The following SP140 variants were observed in gnomAD, a reference collection of about 807,000 sequenced individuals.
SP140 encodes nuclear body protein SP140.
Under a neutral mutation model 125.0 loss-of-function variants are expected in SP140, and 81 were observed. The ratio of observed to expected loss-of-function variants is 0.65; its 90% CI spans 0.54 to 0.78. SP140 has a LOEUF of 0.78. SP140 is among the 30% of genes least tolerant of loss of function. The probability of loss-of-function intolerance (pLI) is 0.00; values close to 1 mark genes in which losing one functional copy is unlikely to be tolerated. For synonymous variants in SP140, 312 were observed against 354.0 expected (o/e 0.88, Z 1.33); for missense variants, 858 against 1,037.0 (o/e 0.83, Z 2.37).
At chr2:230,226,916 A>T (rs1343098609) in intron 1 of SP140, among the ~76,000 whole-genome samples, 1 of 152,226 alleles carries the variant, frequency 6.6e-6, no homozygotes, top group Non-Finnish European at 1.5e-5. Flanking sequence ...ATAAAAATTT[A>T]AAATACAGTA....
At chr2:230,272,321 C>G (rs771424968) in intron 15 of SP140, among the ~76,000 whole-genome samples, 1 of 152,130 alleles carries the variant, frequency 6.6e-6, no homozygotes, top group Admixed American at 6.6e-5. Context: ...AGCCATACTA[C>G]AGGGCTACAT....
chr2:230,258,889 C>G (rs919093100), intron 12 of SP140, among the ~76,000 whole-genome samples: 1 of 151,580 alleles, frequency 6.6e-6, no homozygotes, highest in Non-Finnish European at 1.5e-5. Context: ...ATGAGTGCAG[C>G]AAGCTGCACT....
intron 1 of SP140, among the ~76,000 whole-genome samples, chr2:230,231,245 A>G (rs1001535049): frequency 2.0e-5 from 3 of 152,136 alleles, no homozygotes; most frequent in Non-Finnish European, 4.4e-5. Context: ...AAAATCCATC[A>G]TATCTGAGTC....
At chr2:230,224,524 A>C (rs1460488750), upstream of SP140, among the ~76,000 whole-genome samples, 1 of 150,582 alleles carries the variant, frequency 6.6e-6, no homozygotes, top group Non-Finnish European at 1.5e-5. Flanking sequence ...ACAGAGAGAG[A>C]GAGAGAGAGG....
chr2:230,229,840 C>A (rs975100654), intron 1 of SP140, among the ~76,000 whole-genome samples: 3 of 151,388 alleles, frequency 2.0e-5, no homozygotes, highest in Non-Finnish European at 4.4e-5. Context: ...TTTCTTTCAT[C>A]ACTTTAAATA....
chr2:230,255,412 G>T lies in SP140; in HGVS notation c.1160-40G>T, dbSNP rs1232687148. ...TTCTCTTCATGATTTTTTGTTGGTT[G>T]TATACTGAGACCTCTGAGGGATTTC... On this transcript the variant is annotated intron_variant, in intron 11 of 26. Coordinates refer to ENST00000392045, the MANE Select transcript of SP140 (RefSeq NM_007237.5). The T allele has an allele frequency of 1.9e-6, 3 of 1,605,364 alleles. No homozygotes were observed. In the African/African-American group the frequency reaches 4.0e-5, roughly 21 times the overall value.
At chr2:230,287,993 T>C in intron 18 of SP140, 27 bp downstream of exon 18, 1 of 1,571,962 alleles carries the variant, frequency 6.4e-7, no homozygotes. Flanking sequence ...GAATGAACTT[T>C]CAATAACTAA....
intron 11 of SP140, among the ~76,000 whole-genome samples, chr2:230,254,571 C>T (rs2050858617): frequency 6.6e-6 from 1 of 152,222 alleles, no homozygotes; most frequent in South Asian, 2.1e-4. Context: ...ACCAGCACCT[C>T]CCCTGAACTT....
chr2:230,231,455 G>A (rs891521186), intron 1 of SP140, among the ~76,000 whole-genome samples: 1 of 152,182 alleles, frequency 6.6e-6, no homozygotes, highest in African/African-American at 2.4e-5. Flanking sequence ...GGTGGCAGAG[G>A]TGTCAAATTC....
intron 4 of SP140, 64 bp downstream of exon 4, chr2:230,241,551 A>AAGG: frequency 1.1e-6 from 1 of 942,330 alleles, no homozygotes; most frequent in Non-Finnish European, 1.7e-6. Context: ...TCATGGAGGC[A>AAGG]AATCTTGTAT....
At position 230,225,762 on chromosome 2, in the gene SP140, G is replaced by A. The variant is rs1056484351; in HGVS notation, c.-83G>A. 7.9e-6 allele frequency: 9 copies of A among 1,137,858 alleles called. No individual in the cohort carries two copies. In the African/African-American group the frequency reaches 1.2e-4, roughly 15 times the overall value. The allele number at this position is 1,137,858 out of a possible 1,614,324, so 70.5% of individuals were successfully genotyped here. A position where few individuals can be genotyped will look rare whatever the true frequency, so the allele number is the denominator to read the frequency against. On this transcript the variant is annotated 5_prime_UTR_variant, in exon 1 of 27. Coordinates refer to ENST00000392045, the MANE Select transcript of SP140 (RefSeq NM_007237.5). ...TTTTCCTCTTTGACTGAGCACCGAG[G>A]GGCAGTTGGCAGCTTCACCTCAGAG... is the stretch of plus-strand genomic sequence containing the variant.
chr2:230,313,770 C>T (rs531040959), downstream of SP140, among the ~76,000 whole-genome samples: 57 of 152,196 alleles, frequency 3.7e-4, 1 homozygote, highest in African/African-American at 1.3e-3. Flanking sequence ...ATGGATAGCC[C>T]CAGAAGTGCT....
At chr2:230,245,766 G>C in intron 6 of SP140, 97 bp from the exon 7 acceptor site, 1 of 750,568 alleles carries the variant, frequency 1.3e-6, no homozygotes, top group East Asian at 2.5e-5. Context: ...TATTCCCAGG[G>C]AGCAGTTCTA....
upstream of SP140, among the ~76,000 whole-genome samples, chr2:230,221,351 C>T (rs549224035): frequency 6.6e-6 from 1 of 151,678 alleles, no homozygotes; most frequent in East Asian, 1.9e-4. Context: ...ATTTGACCCA[C>T]AAGTTCCCCT....
rs574901679 is a variant in SP140 at position 230,286,217 on chromosome 2, G to A, written c.1645+385G>A. 9.2e-5 allele frequency among the ~76,000 whole-genome samples: 14 copies of A among 152,252 alleles called. No homozygotes were observed. The South Asian group carries it at 2.3e-3, about 25-fold the overall frequency. Reference sequence around the variant, plus strand: ...TTTCCTGTCTTGAGCAAGCTCTGTCGCTTTCTTGTTCCCTTTTAAAAACAG... The same window carrying A: ...TTTCCTGTCTTGAGCAAGCTCTGTCACTTTCTTGTTCCCTTTTAAAAACAG... On this transcript the variant is annotated intron_variant, in intron 17 of 26. Transcript: ENST00000392045.
rs2044490162 is a variant in SP140, at chr2:230,211,634, C to A, written c.-322-2020C>A. 1 of 889,992 alleles carries A rather than the reference C, an allele frequency of 1.1e-6. No individual in the cohort carries two copies. Among genetic ancestry groups the A allele is most frequent in the African/African-American group, 1.6e-5 (1 of 61,168 alleles). The allele number at this position is 889,992 out of a possible 1,614,324, so 55.1% of individuals were successfully genotyped here. ...TGAGGAGAAAAGAGAATGCTCTATTCCAACAAGTAAAAATGACGGGGTAAC... is the reference window on the plus strand; with the variant it reads ...TGAGGAGAAAAGAGAATGCTCTATTACAACAAGTAAAAATGACGGGGTAAC... On this transcript the variant is annotated intron_variant, in intron 1 of 4. Coordinates refer to the SP140 transcript ENST00000456542. This position sits in a 1 kb window ranked among gnomAD's most constrained non-coding sequence, Gnocchi z 4.2.
rs575020961 is a variant in SP140, at chr2:230,311,005, A to G, written c.2284-149A>G. The G allele has an allele frequency of 6.5e-5, 58 of 890,084 alleles. No homozygotes were observed. The East Asian group carries it at 1.5e-3, about 23-fold the overall frequency. 55.1% of individuals were successfully genotyped at this position (890,084 alleles called of 1,614,324 possible). On this transcript the variant is annotated intron_variant, in intron 24 of 26. Coordinates refer to ENST00000392045, the MANE Select transcript of SP140 (RefSeq NM_007237.5). ...GAACACCACACCTTGTTTGCACAAA[A>G]AATAACTCAGCCATGACATGTCTGT... is the stretch of plus-strand genomic sequence containing the variant.
At chr2:230,294,179 C>A in intron 20 of SP140, 92 bp from the exon 21 acceptor site, 1 of 980,794 alleles carries the variant, frequency 1.0e-6, no homozygotes, top group Non-Finnish European at 1.6e-6. Context: ...GTGGAACACT[C>A]AGGTAGAAAT....
chr2:230,220,565 CAGGT>C (rs1559189685), intron 3 of SP140, among the ~76,000 whole-genome samples: 1 of 152,132 alleles, frequency 6.6e-6, no homozygotes, highest in Non-Finnish European at 1.5e-5. Flanking sequence ...GAGAGCTGGG[CAGGT>C]AGTTGGGAGC....
Sources: gnomAD v4.1 joint callset for allele counts (sites outside exome capture counted in the v4.1 genomes callset) on GRCh38, gnomAD v4.1.1 for gene constraint, Gnocchi (gnomAD v3.1) non-coding constraint, MANE v1.5 for transcripts, NCBI Gene and HGNC (gene_info 2026-07-23, HGNC 2026-07-21) for gene names.